Variants in BRMS1 observed in about 807,000 individuals in gnomAD.
BRMS1 encodes the protein breast cancer metastasis-suppressor 1.
A neutral mutation model predicts 40.4 loss-of-function variants in BRMS1; 26 were observed. That is an observed-to-expected ratio of 0.64 (90% confidence interval 0.47 to 0.89). The LOEUF is 0.89. BRMS1 is among the 40% of genes least tolerant of loss of function. The pLI, the probability that BRMS1 is intolerant of heterozygous loss-of-function variation, is 0.00. For synonymous variants in BRMS1, 103 were observed against 116.0 expected (o/e 0.89, Z 0.72); for missense variants, 289 against 309.4 (o/e 0.93, Z 0.49).
chr11:66,341,219 G>A lies in BRMS1; in HGVS notation c.345C>T (p.Arg115=). ...CCACCCACAGACCTGCCACCTGAAT[G>A]CGAATCTTGAGGCTCCGCTGCAGCC... ...LGGLQRSLKI[R]IQVAGIYKGF... The change falls in exon 4 of 10, where the codon CGC becomes CGT. Residue 115 remains arginine, a synonymous_variant. Coordinates refer to ENST00000359957, the MANE Select transcript of BRMS1 (RefSeq NM_015399.4). The surrounding 1 kb of genome is among the most constrained non-coding windows in gnomAD (Gnocchi z 4.9). The A allele has an allele frequency of 6.2e-7, 1 of 1,612,222 alleles. No homozygotes were observed. The highest frequency in any genetic ancestry group is 8.5e-7 in the Non-Finnish European group (1 of 1,178,488).
intron 7 of BRMS1, 48 bp downstream of exon 7, chr11:66,340,073 G>C: frequency 6.5e-7 from 1 of 1,535,332 alleles, no homozygotes; most frequent in Non-Finnish European, 9.0e-7. Flanking sequence ...GTCTGGAGTT[G>C]ACCCTTACAT....
Position 66,341,967 on chromosome 11 carries a change from G to C in BRMS1, c.139+129C>G, listed in dbSNP as rs965581292. The C allele has an allele frequency of 9.7e-7, 1 of 1,030,738 alleles. No homozygotes were observed. The highest frequency in any genetic ancestry group is 2.1e-5 in the Admixed American group (1 of 46,558). 63.8% of individuals were successfully genotyped at this position (1,030,738 alleles called of 1,614,324 possible). ...GTGTGCGCTTGTGTGCAGGGTCTGTGTATGTGCTTGTGTGTAGGCGCTGTA... is the reference window on the plus strand; with the variant it reads ...GTGTGCGCTTGTGTGCAGGGTCTGTCTATGTGCTTGTGTGTAGGCGCTGTA... On this transcript the variant is annotated intron_variant, in intron 2 of 9. Transcript: ENST00000359957. This position sits in a 1 kb window ranked among gnomAD's most constrained non-coding sequence, Gnocchi z 4.9.
At position 66,341,724 on chromosome 11, in the gene BRMS1, T is replaced by C. The variant is rs977546053; in HGVS notation, c.140-101A>G. Reference sequence around the variant, plus strand: ...ATGTGTGTGTGTGCATGCATGCCTGTGTGTAGGGCCTGTGTGTGTGTGCGC... The same window carrying C: ...ATGTGTGTGTGTGCATGCATGCCTGCGTGTAGGGCCTGTGTGTGTGTGCGC... On this transcript the variant is annotated intron_variant, in intron 2 of 9. Coordinates refer to ENST00000359957, the MANE Select transcript of BRMS1 (RefSeq NM_015399.4). The surrounding 1 kb of genome is among the most constrained non-coding windows in gnomAD (Gnocchi z 4.9). The C allele has an allele frequency of 5.4e-5, 53 of 986,470 alleles. No individual in the cohort carries two copies. Among genetic ancestry groups the C allele is most frequent in the Non-Finnish European group, 7.9e-5 (49 of 617,922 alleles). The allele number at this position is 986,470 out of a possible 1,614,324, so 61.1% of individuals were successfully genotyped here. A position where few individuals can be genotyped will look rare whatever the true frequency, so the allele number is the denominator to read the frequency against.
Position 66,341,656 on chromosome 11 carries a change from G to A in BRMS1, c.140-33C>T. ...AAGAGGCCAGTAAGGGCTAGCTCTG[G>A]GGAGGAGTGGTGGGTACCCGCATGT... On this transcript the variant is annotated intron_variant, in intron 2 of 9. Transcript: ENST00000359957. The surrounding 1 kb of genome is among the most constrained non-coding windows in gnomAD (Gnocchi z 4.9). 6.3e-7 allele frequency: 1 copy of A among 1,594,612 alleles called. No homozygotes were observed. The highest frequency in any genetic ancestry group is 1.1e-5 in the South Asian group (1 of 90,686).
chr11:66,342,711 G>A (rs547931447), intron 1 of BRMS1, among the ~76,000 whole-genome samples: 17 of 152,242 alleles, frequency 1.1e-4, no homozygotes, highest in Admixed American at 2.0e-4. Flanking sequence ...GATTACAGGC[G>A]CCCGCACCAC....
At position 66,341,311 on chromosome 11, in the gene BRMS1, G is replaced by C; in HGVS notation, c.253C>G (p.Gln85Glu). 1.2e-6 allele frequency: 2 copies of C among 1,613,344 alleles called. No individual in the cohort carries two copies. Among genetic ancestry groups the C allele is most frequent in the Non-Finnish European group, 1.7e-6 (2 of 1,179,412 alleles). ...ACTTCCTCCAGCCGCAACCGCAGCT[G>C]ACTCAGTCGTTCCCTGAACAACCTG... The part of the protein sequence containing the change: ...KEKLFRERLS[Q>E]LRLRLEEVGA... Residue 85 changes from glutamine (Q) to glutamate (E), a missense_variant, in exon 4 of 10, where the codon CAG (glutamine) becomes GAG (glutamate). Physicochemically the swap from Gln to Glu is conservative, Grantham distance 29. Coordinates refer to ENST00000359957, the MANE Select transcript of BRMS1 (RefSeq NM_015399.4). This position sits in a 1 kb window ranked among gnomAD's most constrained non-coding sequence, Gnocchi z 4.9.
chr11:66,343,824 C>T (rs566088168), intron 1 of BRMS1, among the ~76,000 whole-genome samples: 1 of 149,428 alleles, frequency 6.7e-6, no homozygotes, highest in Non-Finnish European at 1.5e-5. Context: ...GATGAGGAGA[C>T]CCCTACAAAG....
At position 66,342,241 on chromosome 11, in the gene BRMS1, T is replaced by C. The variant is rs755561661; in HGVS notation, c.-7A>G. 2.0e-5 allele frequency: 33 copies of C among 1,612,450 alleles called. No individual in the cohort carries two copies. Among genetic ancestry groups the C allele is most frequent in the Non-Finnish European group, 2.6e-5 (31 of 1,179,940 alleles). Reference sequence around the variant, plus strand: ...TTGGAGGCTGGACAGGCATCTGGACTCTGGGAGAAGGAATGGAGCTATCAC... The same window carrying C: ...TTGGAGGCTGGACAGGCATCTGGACCCTGGGAGAAGGAATGGAGCTATCAC... On this transcript the variant is annotated splice_region_variant and 5_prime_UTR_variant, in exon 2 of 10. Coordinates refer to ENST00000359957, the MANE Select transcript of BRMS1 (RefSeq NM_015399.4).
At chr11:66,338,446 T>C in intron 8 of BRMS1, 164 bp from the exon 9 acceptor site, 1 of 1,511,872 alleles carries the variant, frequency 6.6e-7, no homozygotes, top group Non-Finnish European at 8.9e-7. Context: ...TCCTGACTGC[T>C]GGCCAGCTCA....
Position 66,339,021 on chromosome 11 carries a change from G to A in BRMS1, c.629-236C>T, listed in dbSNP as rs987638150. The stretch of plus-strand genomic sequence containing the variant: ...CCTGTCCCTTGCTCACCCTCACCTC[G>A]TCTTAGGTCAGCTGGCTGAGGCCCA... On this transcript the variant is annotated intron_variant, in intron 7 of 9. Coordinates refer to ENST00000359957, the MANE Select transcript of BRMS1 (RefSeq NM_015399.4). Among the ~76,000 whole-genome samples, 6 of 152,148 alleles carry A rather than the reference G, an allele frequency of 3.9e-5. No individual in the cohort carries two copies. The South Asian group carries it at 6.2e-4, about 16-fold the overall frequency.
At position 66,341,625 on chromosome 11, in the gene BRMS1, T is replaced by C; in HGVS notation, c.140-2A>G. On this transcript the variant is annotated splice_acceptor_variant, in intron 2 of 9. Transcript: ENST00000359957. LOFTEE classifies it high-confidence loss of function. This position sits in a 1 kb window ranked among gnomAD's most constrained non-coding sequence, Gnocchi z 4.9. ...GCTCATAGTCCTCATCATCCATCTC[T>C]GGGACAAGAGGCCAGTAAGGGCTAG... The C allele has an allele frequency of 6.2e-7, 1 of 1,613,792 alleles. No individual in the cohort carries two copies. Among genetic ancestry groups the C allele is most frequent in the Non-Finnish European group, 8.5e-7 (1 of 1,179,862 alleles).
chr11:66,338,511 C>A (rs554925941), intron 8 of BRMS1: 9 of 1,472,012 alleles, frequency 6.1e-6, no homozygotes, highest in Admixed American at 2.0e-5. Context: ...TGCCCCAGAA[C>A]GGGAAGGGGC....
rs1036834601 is a variant in BRMS1 at position 66,341,912 on chromosome 11, C to T, written c.139+184G>A. The T allele has an allele frequency of 1.9e-5, 13 of 676,074 alleles. No individual in the cohort carries two copies. Among genetic ancestry groups the T allele is most frequent in the South Asian group, 8.9e-5 (5 of 56,316 alleles). 41.9% of individuals were successfully genotyped at this position (676,074 alleles called of 1,614,324 possible). On this transcript the variant is annotated intron_variant, in intron 2 of 9. Coordinates refer to ENST00000359957, the MANE Select transcript of BRMS1 (RefSeq NM_015399.4). This position sits in a 1 kb window ranked among gnomAD's most constrained non-coding sequence, Gnocchi z 4.9. ...TGCTTGTGTGTAGGGGCTGTGTGTG[C>T]GTGCTTGTGTGTAGGGGCTGTGTGT... is the stretch of plus-strand genomic sequence containing the variant.
In BRMS1 at chr11:66,341,734, C is replaced by G. The variant is rs965183674; in HGVS notation, c.140-111G>C. 8.6e-6 allele frequency: 8 copies of G among 926,546 alleles called. No individual in the cohort carries two copies. The highest frequency in any genetic ancestry group is 6.5e-5 in the African/African-American group (4 of 61,894). The allele number at this position is 926,546 out of a possible 1,614,324, so 57.4% of individuals were successfully genotyped here. ...GTGCATGCATGCCTGTGTGTAGGGC[C>G]TGTGTGTGTGTGCGCGTACATGCTT... On this transcript the variant is annotated intron_variant, in intron 2 of 9. Transcript: ENST00000359957. The surrounding 1 kb of genome is among the most constrained non-coding windows in gnomAD (Gnocchi z 4.9).
At chr11:66,343,913 G>A (rs1424650775) in intron 1 of BRMS1, among the ~76,000 whole-genome samples, 1 of 152,186 alleles carries the variant, frequency 6.6e-6, no homozygotes, top group Non-Finnish European at 1.5e-5. Flanking sequence ...TGCACTGATA[G>A]TGCCAAGTAC....
intron 1 of BRMS1, among the ~76,000 whole-genome samples, chr11:66,342,622 A>G (rs933883824): frequency 2.6e-5 from 4 of 152,210 alleles, no homozygotes; most frequent in Admixed American, 6.5e-5. Context: ...GCTGGAGTGC[A>G]GTGGCACGAT....
chr11:66,342,146 C>T lies in BRMS1; in HGVS notation c.89G>A (p.Ser30Asn). 6.2e-7 allele frequency: 1 copy of T among 1,613,934 alleles called. No individual in the cohort carries two copies. The highest frequency in any genetic ancestry group is 8.5e-7 in the Non-Finnish European group (1 of 1,180,036). The change falls in exon 2 of 10, where the codon AGT (serine) becomes AAT (asparagine). Residue 30 changes from serine to asparagine, a missense_variant. Ser to Asn is a conservative substitution (Grantham distance 46). Coordinates refer to ENST00000359957, the MANE Select transcript of BRMS1 (RefSeq NM_015399.4). ...AAEMNGEEEESEEERSGSQTE... is the reference protein window; with the variant it reads ...AAEMNGEEEENEEERSGSQTE... ...CTGGCTGCCGCTCCGCTCCTCCTCACTCTCTTCCTCCTCCCCATTCATCTC... is the reference window on the plus strand; with the variant it reads ...CTGGCTGCCGCTCCGCTCCTCCTCATTCTCTTCCTCCTCCCCATTCATCTC...
Position 66,341,585 on chromosome 11 carries a change from A to C in BRMS1, c.178T>G (p.Cys60Gly). ...TCTAGGTCCAGCATCTCACTGACAC[A>C]CTCGCTGCGGCGTCGCTCATAGTCC... ...DEDYERRRSE[C>G]VSEMLDLEKQ... Residue 60 changes from cysteine (C) to glycine (G), a missense_variant, in exon 3 of 10, where the codon TGT becomes GGT. Coordinates refer to ENST00000359957, the MANE Select transcript of BRMS1 (RefSeq NM_015399.4). This position sits in a 1 kb window ranked among gnomAD's most constrained non-coding sequence, Gnocchi z 4.9. 6.2e-7 allele frequency: 1 copy of C among 1,613,920 alleles called. No individual in the cohort carries two copies. The highest frequency in any genetic ancestry group is 8.5e-7 in the Non-Finnish European group (1 of 1,179,982).
In BRMS1 at chr11:66,340,951, G is replaced by A; in HGVS notation, c.438+16C>T. On this transcript the variant is annotated intron_variant, in intron 5 of 9. Transcript: ENST00000359957. ...TTGTGCCCTGCCTCACCCCCAGTGT[G>A]CCCAATCAGGCCCACCTCCAGGTGC... 1.2e-6 allele frequency: 2 copies of A among 1,613,984 alleles called. No individual in the cohort carries two copies. The highest frequency in any genetic ancestry group is 8.5e-7 in the Non-Finnish European group (1 of 1,179,920).
Sources: allele counts gnomAD v4.1 joint callset (sites outside exome capture counted in the v4.1 genomes callset), GRCh38; gene constraint gnomAD v4.1.1; non-coding constraint Gnocchi (gnomAD v3.1); transcripts MANE v1.5; gene names NCBI Gene and HGNC (gene_info 2026-07-23, HGNC 2026-07-21).